Variants in SPNS2 observed in about 807,000 individuals in gnomAD.
The protein encoded by SPNS2 is sphingosine-1-phosphate transporter SPNS2.
In SPNS2, 37 loss-of-function variants were observed where a neutral mutation model predicts 57.6. The ratio of observed to expected loss-of-function variants is 0.64; its 90% CI spans 0.49 to 0.85. The LOEUF is 0.85. SPNS2 is among the 40% of genes least tolerant of loss of function. The pLI is 0.00. For missense variants in SPNS2, 831 were observed against 779.1 expected (o/e 1.07, Z -0.79); for synonymous variants, 440 against 346.9 (o/e 1.27, Z -2.98).
chr17:4,536,007 G>A lies in SPNS2; in HGVS notation c.1345-69G>A, dbSNP rs572109858. The A allele has an allele frequency of 7.9e-4, 1,101 of 1,388,866 alleles. 1 individual carries two copies. Among genetic ancestry groups the A allele is most frequent in the Non-Finnish European group, 9.2e-4 (931 of 1,006,940 alleles). 86.0% of individuals were successfully genotyped at this position (1,388,866 alleles called of 1,614,324 possible). A position where few individuals can be genotyped will look rare whatever the true frequency, so the allele number is the denominator to read the frequency against. On this transcript the variant is annotated intron_variant, in intron 9 of 12. Transcript: ENST00000329078. ...GGTGTGGGGGCTTCAGAAGTGCCAC[G>A]GCCCGGGGCCAGGGCCAAGCGCGTG... is the stretch of plus-strand genomic sequence containing the variant.
chr17:4,527,599 T>G (rs976789411), intron 3 of SPNS2, among the ~76,000 whole-genome samples: 4 of 152,230 alleles, frequency 2.6e-5, no homozygotes, highest in African/African-American at 9.6e-5. Flanking sequence ...ACAGACAGTT[T>G]CAGGAGAAGA....
At chr17:4,513,618 A>G (rs968423996) in intron 2 of SPNS2, among the ~76,000 whole-genome samples, 1 of 152,336 alleles carries the variant, frequency 6.6e-6, no homozygotes, top group East Asian at 1.9e-4. Context: ...ATCGGGACCC[A>G]GTGATCCAGG....
intron 3 of SPNS2, among the ~76,000 whole-genome samples, chr17:4,527,869 C>T (rs1158991353): frequency 6.6e-6 from 1 of 151,546 alleles, no homozygotes; most frequent in Non-Finnish European, 1.5e-5. Context: ...CTCCCGTGGC[C>T]CAGCCTTCTA....
chr17:4,528,159 A>G (rs982715146), intron 3 of SPNS2, among the ~76,000 whole-genome samples: 4 of 151,662 alleles, frequency 2.6e-5, no homozygotes, highest in African/African-American at 4.8e-5. Flanking sequence ...AGTAGCTGGG[A>G]TTACAGGCAC....
intron 3 of SPNS2, among the ~76,000 whole-genome samples, chr17:4,526,059 C>T (rs1166669118): frequency 6.6e-6 from 1 of 152,168 alleles, no homozygotes; most frequent in Non-Finnish European, 1.5e-5. Context: ...TTGGGAGCAC[C>T]CAGGCTTCGG....
intron 2 of SPNS2, among the ~76,000 whole-genome samples, chr17:4,513,830 G>A (rs1249931622): frequency 2.6e-5 from 4 of 152,336 alleles, no homozygotes; most frequent in East Asian, 3.9e-4. Context: ...CGGGGCAGGC[G>A]CCTGAGAATC....
At chr17:4,534,127 C>T (rs897988581) in intron 9 of SPNS2, among the ~76,000 whole-genome samples, 27 of 152,096 alleles carry the variant, frequency 1.8e-4, no homozygotes, top group Non-Finnish European at 2.6e-4. Flanking sequence ...GGGAGGCTGG[C>T]GGTGCCAGGC....
At chr17:4,527,618 C>T (rs1230524084) in intron 3 of SPNS2, among the ~76,000 whole-genome samples, 3 of 152,120 alleles carry the variant, frequency 2.0e-5, no homozygotes, top group African/African-American at 4.8e-5. Flanking sequence ...GACACCCAAA[C>T]GGCCAATACG....
At position 4,512,055 on chromosome 17, in the gene SPNS2, T is replaced by C. The variant is rs1314362824; in HGVS notation, c.371-1192T>C. ...GCCTCCTAGGGCTGTGTGGGGATTATACAGGCATTTAATGCTCAGTTCGGC... is the reference window on the plus strand; with the variant it reads ...GCCTCCTAGGGCTGTGTGGGGATTACACAGGCATTTAATGCTCAGTTCGGC... On this transcript the variant is annotated intron_variant, in intron 1 of 12. Coordinates refer to ENST00000329078, the MANE Select transcript of SPNS2 (RefSeq NM_001124758.3). The surrounding 1 kb of genome is among the most constrained non-coding windows in gnomAD (Gnocchi z 5.2). Among the ~76,000 whole-genome samples, 1 of 152,214 alleles carries C rather than the reference T, an allele frequency of 6.6e-6. No homozygotes were observed. Among genetic ancestry groups the C allele is most frequent in the Non-Finnish European group, 1.5e-5 (1 of 68,026 alleles).
intron 9 of SPNS2, among the ~76,000 whole-genome samples, chr17:4,535,413 A>C (rs1567597142): frequency 2.0e-5 from 3 of 152,134 alleles, no homozygotes; most frequent in Non-Finnish European, 4.4e-5. Context: ...CTTTAGCTTG[A>C]TGGGAGGTGA....
Position 4,510,578 on chromosome 17 carries a change from A to G in SPNS2, c.371-2669A>G, listed in dbSNP as rs1055847168. ...GACACAGGATGTCATCATGATGGCT[A>G]TTTTGATATGGCCTCCCTCCCAGAA... is the stretch of plus-strand genomic sequence containing the variant. On this transcript the variant is annotated intron_variant, in intron 1 of 12. Transcript: ENST00000329078. The surrounding 1 kb of genome is among the most constrained non-coding windows in gnomAD (Gnocchi z 4.4). Among the ~76,000 whole-genome samples, 3 of 152,136 alleles carry G rather than the reference A, an allele frequency of 2.0e-5. No homozygotes were observed. Among genetic ancestry groups the G allele is most frequent in the East Asian group, 1.9e-4 (1 of 5,178 alleles).
chr17:4,536,024 A>G (rs1265590456), intron 9 of SPNS2, 52 bp from the exon 10 acceptor site: 3 of 1,540,376 alleles, frequency 1.9e-6, no homozygotes, highest in Non-Finnish European at 2.7e-6. Context: ...GGCCAGGGCC[A>G]AGCGCGTGAG....
In SPNS2 at chr17:4,510,887, C is replaced by A. The variant is rs541994874; in HGVS notation, c.371-2360C>A. Among the ~76,000 whole-genome samples the A allele has an allele frequency of 6.6e-6, 1 of 152,148 alleles. No individual in the cohort carries two copies. The highest frequency in any genetic ancestry group is 2.4e-5 in the African/African-American group (1 of 41,420). Reference sequence around the variant, plus strand: ...CGCAGAAGGCAGCGTGGCAGGAGAACGAGCTTTGGTTTTTGGCAATAGACC... The same window carrying A: ...CGCAGAAGGCAGCGTGGCAGGAGAAAGAGCTTTGGTTTTTGGCAATAGACC... On this transcript the variant is annotated intron_variant, in intron 1 of 12. Transcript: ENST00000329078. This position sits in a 1 kb window ranked among gnomAD's most constrained non-coding sequence, Gnocchi z 4.4.
At position 4,499,066 on chromosome 17, in the gene SPNS2, G is replaced by C; in HGVS notation, c.19G>C (p.Ala7Pro). The C allele has an allele frequency of 9.8e-7, 1 of 1,019,348 alleles. No homozygotes were observed. The highest frequency in any genetic ancestry group is 1.2e-6 in the Non-Finnish European group (1 of 854,324). 63.1% of individuals were successfully genotyped at this position (1,019,348 alleles called of 1,614,324 possible). MMCLEC[A>P]SAAAGGAEEE... ...GGCCGGCATGATGTGCCTGGAATGC[G>C]CCTCGGCGGCGGCGGGCGGCGCGGA... Residue 7 changes from alanine (A) to proline (P), a missense_variant, in exon 1 of 13, where the codon GCC becomes CCC. Around this residue, in one of 2 missense-constraint regions of SPNS2, gnomAD observed 305 missense variants for 378.3 expected, o/e 0.81. Coordinates refer to ENST00000329078, the MANE Select transcript of SPNS2 (RefSeq NM_001124758.3). This position sits in a 1 kb window ranked among gnomAD's most constrained non-coding sequence, Gnocchi z 5.2.
chr17:4,520,042 C>T (rs1905100483), intron 2 of SPNS2, among the ~76,000 whole-genome samples: 2 of 152,330 alleles, frequency 1.3e-5, no homozygotes, highest in South Asian at 4.1e-4. Flanking sequence ...TGCCATGTCC[C>T]AAGGGAAGAC....
In SPNS2 at chr17:4,538,952, G is replaced by C. The variant is rs1906050920; in HGVS notation, c.*1504G>C. 1 of 785,134 alleles carries C rather than the reference G, an allele frequency of 1.3e-6. No homozygotes were observed. The highest frequency in any genetic ancestry group is 2.4e-5 in the East Asian group (1 of 41,278). The allele number at this position is 785,134 out of a possible 1,614,324, so 48.6% of individuals were successfully genotyped here. A position where few individuals can be genotyped will look rare whatever the true frequency, so the allele number is the denominator to read the frequency against. On this transcript the variant is annotated 3_prime_UTR_variant, in exon 13 of 13. Coordinates refer to ENST00000329078, the MANE Select transcript of SPNS2 (RefSeq NM_001124758.3). ...CCAAACTGCTCCTTTATTTTTTAGA[G>C]CTGCTGATTGTGAATCTCAGAGTCT...
intron 9 of SPNS2, among the ~76,000 whole-genome samples, chr17:4,534,061 G>A (rs933309818): frequency 2.6e-5 from 4 of 152,184 alleles, no homozygotes; most frequent in Admixed American, 1.3e-4. Context: ...CAGGCAGACA[G>A]AGCACCATGT....
At position 4,537,858 on chromosome 17, in the gene SPNS2, C is replaced by G; in HGVS notation, c.*410C>G. 2.2e-6 allele frequency: 1 copy of G among 453,482 alleles called. No homozygotes were observed. 28.1% of individuals were successfully genotyped at this position (453,482 alleles called of 1,614,324 possible). ...CACAACTTGCTGGGCAAAGCACGAT[C>G]TGCAGCTTTGAAGACTCAACAGACC... On this transcript the variant is annotated 3_prime_UTR_variant, in exon 13 of 13. Coordinates refer to ENST00000329078, the MANE Select transcript of SPNS2 (RefSeq NM_001124758.3).
chr17:4,510,383 A>AT lies in SPNS2; in HGVS notation c.371-2863dup, dbSNP rs1252898078. 6.6e-6 allele frequency among the ~76,000 whole-genome samples: 1 copy of AT among 152,088 alleles called. No homozygotes were observed. Among genetic ancestry groups the AT allele is most frequent in the African/African-American group, 2.4e-5 (1 of 41,410 alleles). Reference sequence around the variant, plus strand: ...CCAGAGACCTTAGACGCCCATCTGGATGTGGAGGAATGTTCTCCCTCTACC... The same window carrying AT: ...CCAGAGACCTTAGACGCCCATCTGGATTGTGGAGGAATGTTCTCCCTCTACC... On this transcript the variant is annotated intron_variant, in intron 1 of 12. Transcript: ENST00000329078. This position sits in a 1 kb window ranked among gnomAD's most constrained non-coding sequence, Gnocchi z 4.4.
Sources: gnomAD v4.1 joint callset for allele counts (sites outside exome capture counted in the v4.1 genomes callset) on GRCh38, gnomAD v4.1.1 for gene constraint, gnomAD v4.1.1 regional missense constraint, Gnocchi (gnomAD v3.1) non-coding constraint, MANE v1.5 for transcripts, NCBI Gene and HGNC (gene_info 2026-07-23, HGNC 2026-07-21) for gene names.